Variants in KCNT2 observed in about 807,000 individuals in gnomAD.
KCNT2 encodes the protein potassium sodium-activated channel subfamily T member 2.
A neutral mutation model predicts 153.8 loss-of-function variants in KCNT2; 67 were observed. The observed-to-expected ratio is 0.44, with a 90% CI of 0.36 to 0.53. The LOEUF is 0.53. Ranked by LOEUF, KCNT2 falls within the 20% of genes least tolerant of loss-of-function variation. The probability of loss-of-function intolerance (pLI) is 0.00; values close to 1 mark genes in which losing one functional copy is unlikely to be tolerated. For synonymous variants in KCNT2, 500 were observed against 458.8 expected, an observed-to-expected ratio of 1.09 and a Z score of -1.15; for missense variants, 975 against 1,354.8, an observed-to-expected ratio of 0.72 and a Z score of 4.40.
At chr1:196,349,902 C>T (rs1321761979) in intron 14 of KCNT2, among the ~76,000 whole-genome samples, 1 of 151,990 alleles carries the variant, frequency 6.6e-6, no homozygotes, top group Non-Finnish European at 1.5e-5. Context: ...GTTCCCCTTC[C>T]TGTGTCCATG....
chr1:196,549,831 C>T (rs1216693758), intron 1 of KCNT2, among the ~76,000 whole-genome samples: 3 of 151,942 alleles, frequency 2.0e-5, no homozygotes, highest in African/African-American at 4.8e-5. Context: ...AACTAAACAG[C>T]AAGCTATAAA....
In KCNT2 at chr1:196,608,338, C is replaced by T. The variant is rs756364979; in HGVS notation, c.-29G>A. 1 of 1,553,224 alleles carries T rather than the reference C, an allele frequency of 6.4e-7. No homozygotes were observed. The highest frequency in any genetic ancestry group is 8.9e-7 in the Non-Finnish European group (1 of 1,124,614). On this transcript the variant is annotated 5_prime_UTR_variant, in exon 1 of 28. Transcript: ENST00000294725. ...TCCTCAAAGAGTGGGAAACATCAAA[C>T]AACAAATGGAGGAGAGGAGGGAGAA...
chr1:196,350,716 CT>C (rs1044105450), intron 14 of KCNT2, among the ~76,000 whole-genome samples: 8 of 152,122 alleles, frequency 5.3e-5, no homozygotes, highest in African/African-American at 1.9e-4. Context: ...AATTAGATCC[CT>C]TTTGTCAATT....
chr1:196,302,715 A>G (rs1290824033), intron 22 of KCNT2, among the ~76,000 whole-genome samples: 1 of 151,812 alleles, frequency 6.6e-6, no homozygotes, highest in African/African-American at 2.4e-5. Flanking sequence ...TGTAAGAGTT[A>G]GGACCCCAGC....
At chr1:196,475,324 A>G (rs189300503) in intron 5 of KCNT2, among the ~76,000 whole-genome samples, 227 of 152,290 alleles carry the variant, frequency 1.5e-3, no homozygotes, top group Non-Finnish European at 2.6e-3. Context: ...TCTTTAAAAA[A>G]TCTAACTTAG....
intron 1 of KCNT2, among the ~76,000 whole-genome samples, chr1:196,508,891 T>G (rs1681370387): frequency 6.6e-6 from 1 of 152,190 alleles, no homozygotes; most frequent in African/African-American, 2.4e-5. Flanking sequence ...AAATTAGATA[T>G]TTATGTATTT....
At chr1:196,301,613 T>C (rs918968635) in intron 22 of KCNT2, among the ~76,000 whole-genome samples, 3 of 152,190 alleles carry the variant, frequency 2.0e-5, no homozygotes, top group Non-Finnish European at 4.4e-5. Flanking sequence ...TAATTGGGAA[T>C]AATACAGTTT....
At chr1:196,561,081 A>G (rs1659316281) in intron 1 of KCNT2, among the ~76,000 whole-genome samples, 1 of 151,856 alleles carries the variant, frequency 6.6e-6, no homozygotes, top group Non-Finnish European at 1.5e-5. Context: ...GATGAATTAC[A>G]TATTTCAAAA....
At chr1:196,465,846 G>C (rs1215617669) in intron 7 of KCNT2, among the ~76,000 whole-genome samples, 1 of 148,424 alleles carries the variant, frequency 6.7e-6, no homozygotes, top group African/African-American at 2.5e-5. Context: ...ATTTTGAAAA[G>C]AAAAAAAAAT....
chr1:196,289,003 C>T (rs1659936759), intron 22 of KCNT2, among the ~76,000 whole-genome samples: 1 of 152,046 alleles, frequency 6.6e-6, no homozygotes, highest in South Asian at 2.1e-4. Flanking sequence ...AATTGGGATT[C>T]ATATTGACAT....
intron 1 of KCNT2, among the ~76,000 whole-genome samples, chr1:196,542,151 T>C (rs1250224780): frequency 6.6e-6 from 1 of 152,148 alleles, no homozygotes; most frequent in Non-Finnish European, 1.5e-5. Context: ...GTGAAAGGTT[T>C]AAATAACCAA....
chr1:196,285,276 C>T (rs982428517), intron 23 of KCNT2, among the ~76,000 whole-genome samples: 2 of 152,032 alleles, frequency 1.3e-5, no homozygotes, highest in African/African-American at 4.8e-5. Flanking sequence ...TATTTCAAAC[C>T]TGGAAAAAAT....
intron 14 of KCNT2, among the ~76,000 whole-genome samples, chr1:196,347,688 G>A (rs1457229675): frequency 1.3e-5 from 2 of 152,120 alleles, no homozygotes; most frequent in Non-Finnish European, 2.9e-5. Flanking sequence ...CCTGTTCTAT[G>A]ACTGTCTTTC....
chr1:196,390,119 A>T (rs1670343366), intron 13 of KCNT2, among the ~76,000 whole-genome samples: 2 of 151,442 alleles, frequency 1.3e-5, no homozygotes, highest in Admixed American at 1.3e-4. Context: ...TTTCCACAAC[A>T]TGATGGAACA....
intron 7 of KCNT2, among the ~76,000 whole-genome samples, chr1:196,466,435 G>A (rs1009614025): frequency 6.6e-6 from 1 of 151,936 alleles, no homozygotes; most frequent in South Asian, 2.1e-4. Flanking sequence ...TCATCTAGTT[G>A]TGAATACTAA....
chr1:196,589,908 G>A (rs1342253514), intron 1 of KCNT2, among the ~76,000 whole-genome samples: 4 of 152,130 alleles, frequency 2.6e-5, no homozygotes, highest in African/African-American at 7.2e-5. Context: ...TAAACAAAGT[G>A]ACTCTGACTT....
At chr1:196,510,304 C>T (rs750612689) in intron 1 of KCNT2, among the ~76,000 whole-genome samples, 5 of 152,124 alleles carry the variant, frequency 3.3e-5, no homozygotes, top group African/African-American at 4.8e-5. Context: ...ATGCAGAGCA[C>T]ATAGCCATAA....
intron 1 of KCNT2, among the ~76,000 whole-genome samples, chr1:196,501,178 C>T (rs1680668366): frequency 6.6e-6 from 1 of 152,142 alleles, no homozygotes; most frequent in Non-Finnish European, 1.5e-5. Context: ...AACTACCATT[C>T]AATTCAGCAA....
chr1:196,562,091 T>A (rs1007687472), intron 1 of KCNT2, among the ~76,000 whole-genome samples: 1 of 151,852 alleles, frequency 6.6e-6, no homozygotes, highest in Admixed American at 6.6e-5. Flanking sequence ...CTTAGTTAAT[T>A]CTCTCCTGGA....
Sources: gnomAD v4.1 joint callset for allele counts (sites outside exome capture counted in the v4.1 genomes callset) on GRCh38, gnomAD v4.1.1 for gene constraint, MANE v1.5 for transcripts, NCBI Gene and HGNC (gene_info 2026-07-23, HGNC 2026-07-21) for gene names.